Variants in KLHL24 observed in about 807,000 individuals in gnomAD.
KLHL24 encodes kelch like family member 24.
KLHL24 carries 29 observed loss-of-function variants against 53.4 expected under a neutral mutation model. The ratio of observed to expected loss-of-function variants is 0.54; its 90% CI spans 0.40 to 0.74. The LOEUF (loss-of-function observed/expected upper bound fraction) is 0.74. KLHL24 is among the 30% of genes least tolerant of loss of function. KLHL24 has a pLI of 0.00. For synonymous variants in KLHL24, 222 were observed against 253.7 expected, an observed-to-expected ratio of 0.88 and a Z score of 1.19; for missense variants, 504 against 744.0, an observed-to-expected ratio of 0.68 and a Z score of 3.75.
At chr3:183,677,716 A>G (rs1712126769) in intron 7 of KLHL24, among the ~76,000 whole-genome samples, 1 of 152,214 alleles carries the variant, frequency 6.6e-6, no homozygotes, top group African/African-American at 2.4e-5. Flanking sequence ...TGGAAATGGA[A>G]GAATATCTGG....
intron 6 of KLHL24, among the ~76,000 whole-genome samples, chr3:183,671,721 C>G (rs1182612473): frequency 6.6e-6 from 1 of 152,158 alleles, no homozygotes; most frequent in African/African-American, 2.4e-5. Flanking sequence ...AGAATATGTG[C>G]TATCCTGACA....
intron 2 of KLHL24, among the ~76,000 whole-genome samples, chr3:183,645,749 C>T (rs767462886): frequency 1.9e-4 from 29 of 152,032 alleles, no homozygotes; most frequent in Non-Finnish European, 3.2e-4. Context: ...ATAATTGGGT[C>T]GAAGTTAAAA....
At chr3:183,656,725 G>A (rs1401763575) in intron 3 of KLHL24, among the ~76,000 whole-genome samples, 2 of 151,946 alleles carry the variant, frequency 1.3e-5, no homozygotes, top group Non-Finnish European at 1.5e-5. Flanking sequence ...TTTACTCTGT[G>A]GTCCCTGACT....
At chr3:183,669,361 A>C (rs1043131075) in intron 5 of KLHL24, among the ~76,000 whole-genome samples, 25 of 152,098 alleles carry the variant, frequency 1.6e-4, no homozygotes, top group African/African-American at 6.0e-4. Flanking sequence ...TCAAAAAAAA[A>C]ATTATAAAAT....
chr3:183,646,200 A>C (rs1012483680), intron 2 of KLHL24, among the ~76,000 whole-genome samples: 1 of 151,802 alleles, frequency 6.6e-6, no homozygotes, highest in Non-Finnish European at 1.5e-5. Context: ...CGTCTCTTCC[A>C]AAAGTACAAA....
At chr3:183,641,324 C>G (rs1350275636) in intron 1 of KLHL24, among the ~76,000 whole-genome samples, 1 of 151,996 alleles carries the variant, frequency 6.6e-6, no homozygotes, top group Non-Finnish European at 1.5e-5. Flanking sequence ...GAAACCCCGT[C>G]TCTACTAAAA....
At chr3:183,642,845 T>C (rs1334022928) in intron 1 of KLHL24, 4 of 152,152 alleles carry the variant, frequency 2.6e-5, no homozygotes, top group African/African-American at 7.2e-5. Flanking sequence ...GTGTATGTTT[T>C]TTCAGTGCTA....
chr3:183,663,688 C>A lies in KLHL24; in HGVS notation c.1105+46C>A. 1 of 1,119,468 alleles carries A rather than the reference C, an allele frequency of 8.9e-7. No homozygotes were observed. Among genetic ancestry groups the A allele is most frequent in the Non-Finnish European group, 1.2e-6 (1 of 808,728 alleles). The allele number at this position is 1,119,468 out of a possible 1,614,324, so 69.3% of individuals were successfully genotyped here. ...GTAGCTACTTTTAATTTGGACACAG[C>A]TTCATTATTTTAAACATCAACAGTG... On this transcript the variant is annotated intron_variant, in intron 4 of 7. Transcript: ENST00000242810. This position sits in a 1 kb window ranked among gnomAD's most constrained non-coding sequence, Gnocchi z 4.9.
chr3:183,653,500 A>G (rs186329495), intron 3 of KLHL24, among the ~76,000 whole-genome samples: 20 of 152,256 alleles, frequency 1.3e-4, no homozygotes, highest in Admixed American at 2.6e-4. Flanking sequence ...CAGTGGCGCA[A>G]AATTTGCAGG....
intron 7 of KLHL24, among the ~76,000 whole-genome samples, chr3:183,674,512 C>A (rs962934282): frequency 6.6e-6 from 1 of 152,046 alleles, no homozygotes; most frequent in Non-Finnish European, 1.5e-5. Context: ...AGGCGCCCAC[C>A]ACCAAGCCCA....
Position 183,665,049 on chromosome 3 carries a change from A to T in KLHL24, c.1224+10A>T, listed in dbSNP as rs115223597. Reference sequence around the variant, plus strand: ...TGTCCTCCTTGGTAAAGTAAGAGAAACCACTTTTTATTACTATTGCTGGTA... The same window carrying T: ...TGTCCTCCTTGGTAAAGTAAGAGAATCCACTTTTTATTACTATTGCTGGTA... On this transcript the variant is annotated intron_variant, in intron 5 of 7. Transcript: ENST00000242810. The T allele has an allele frequency of 1.7e-3, 2,359 of 1,408,092 alleles. 33 individuals are homozygous for T. The African/African-American group carries it at 0.03, about 18-fold the overall frequency. The allele number at this position is 1,408,092 out of a possible 1,614,324, so 87.2% of individuals were successfully genotyped here.
In KLHL24 at chr3:183,681,641, TC is replaced by T. The variant is rs2108913463; in HGVS notation, c.*2356del. The T allele has an allele frequency of 6.6e-6, 1 of 152,368 alleles. No individual in the cohort carries two copies. Among genetic ancestry groups the T allele is most frequent in the East Asian group, 1.9e-4 (1 of 5,188 alleles). 9.4% of individuals were successfully genotyped at this position (152,368 alleles called of 1,614,324 possible). On this transcript the variant is annotated 3_prime_UTR_variant, in exon 8 of 8. Coordinates refer to ENST00000242810, the MANE Select transcript of KLHL24 (RefSeq NM_017644.3). Reference sequence around the variant, plus strand: ...AAGGCCACCAAGAACTTAGGTTGAATCTTAGAAAATTTAAATAACTATTTTT... The same window carrying T: ...AAGGCCACCAAGAACTTAGGTTGAATTTAGAAAATTTAAATAACTATTTTT...
intron 7 of KLHL24, among the ~76,000 whole-genome samples, chr3:183,677,884 C>T (rs1052738243): frequency 3.3e-5 from 5 of 152,084 alleles, no homozygotes; most frequent in Admixed American, 6.5e-5. Context: ...CTCCGCCTCC[C>T]GGGTTCAAGC....
chr3:183,679,059 T>G, intron 7 of KLHL24, 27 bp from the exon 8 acceptor site: 1 of 1,568,808 alleles, frequency 6.4e-7, no homozygotes, highest in Non-Finnish European at 8.8e-7. Context: ...AATGGTTAAT[T>G]TTTTGTTTAT....
intron 2 of KLHL24, among the ~76,000 whole-genome samples, chr3:183,646,053 TTG>T (rs1292727568): frequency 2.1e-5 from 3 of 145,678 alleles, no homozygotes; most frequent in Non-Finnish European, 4.5e-5. Flanking sequence ...GTTTTTTGTT[TTG>T]TTTTTTTTTT....
intron 3 of KLHL24, among the ~76,000 whole-genome samples, chr3:183,658,866 C>T (rs767085229): frequency 6.6e-6 from 1 of 151,194 alleles, no homozygotes; most frequent in Non-Finnish European, 1.5e-5. Flanking sequence ...GTGACACAGT[C>T]GTAGCTCACT....
Position 183,679,592 on chromosome 3 carries a change from G to T in KLHL24, c.*306G>T, listed in dbSNP as rs1417323294. 6.8e-6 allele frequency: 2 copies of T among 296,202 alleles called. No homozygotes were observed. Among genetic ancestry groups the T allele is most frequent in the East Asian group, 1.5e-4 (2 of 13,156 alleles). 18.3% of individuals were successfully genotyped at this position (296,202 alleles called of 1,614,324 possible). On this transcript the variant is annotated 3_prime_UTR_variant, in exon 8 of 8. Coordinates refer to ENST00000242810, the MANE Select transcript of KLHL24 (RefSeq NM_017644.3). Reference sequence around the variant, plus strand: ...AAATGTCTGTCTGCATACCTTTTAGGAGCGTGTGAATGGTGTCTTCACTTA... The same window carrying T: ...AAATGTCTGTCTGCATACCTTTTAGTAGCGTGTGAATGGTGTCTTCACTTA...
intron 5 of KLHL24, among the ~76,000 whole-genome samples, chr3:183,667,287 G>A (rs114741013): frequency 0.048 from 7,306 of 152,200 alleles, 608 homozygotes; most frequent in African/African-American, 0.17. Flanking sequence ...ATGGTGGTCC[G>A]CACCGGTAGT....
At chr3:183,677,386 G>A (rs530233862) in intron 7 of KLHL24, among the ~76,000 whole-genome samples, 11 of 152,108 alleles carry the variant, frequency 7.2e-5, no homozygotes, top group Non-Finnish European at 1.2e-4. Context: ...CATAATTGGT[G>A]CAATTCATGG....
Sources: allele counts gnomAD v4.1 joint callset (sites outside exome capture counted in the v4.1 genomes callset), GRCh38; gene constraint gnomAD v4.1.1; non-coding constraint Gnocchi (gnomAD v3.1); transcripts MANE v1.5; gene names NCBI Gene and HGNC (gene_info 2026-07-23, HGNC 2026-07-21).